ITPR1: variants seen among roughly 807,000 people sequenced by gnomAD.
ITPR1 encodes the protein inositol 1,4,5-trisphosphate receptor type 1.
A neutral mutation model predicts 318.4 loss-of-function variants in ITPR1; 96 were observed. The observed-to-expected ratio is 0.30, with a 90% CI of 0.26 to 0.36. The LOEUF is 0.36. Ranked by LOEUF, ITPR1 falls within the 10% of genes least tolerant of loss-of-function variation. The pLI is 1.00. For synonymous variants in ITPR1, 1,312 were observed against 1,289.9 expected, an observed-to-expected ratio of 1.02 and a Z score of -0.37; for missense variants, 2,440 against 3,460.2, an observed-to-expected ratio of 0.71 and a Z score of 7.40.
chr3:4,603,541 T>G (rs1052946486), intron 4 of ITPR1, among the ~76,000 whole-genome samples: 6 of 152,192 alleles, frequency 3.9e-5, no homozygotes, highest in Non-Finnish European at 7.3e-5. Flanking sequence ...GCAATTCTCC[T>G]GCCTCAGCCT....
In ITPR1 at chr3:4,753,132, T is replaced by G. The variant is rs376027417; in HGVS notation, c.5545-13398T>G. 4.7e-4 allele frequency among the ~76,000 whole-genome samples: 71 copies of G among 152,270 alleles called. 1 individual carries two copies. In the South Asian group the frequency reaches 0.013, roughly 29 times the overall value. On this transcript the variant is annotated intron_variant, in intron 44 of 61. Transcript: ENST00000649015. The stretch of plus-strand genomic sequence containing the variant: ...ATTTCAGAAGAGGGTTGGCTTGTGC[T>G]TGGGATGTTGGAGGAGCTGAGTGAA...
chr3:4,782,815 C>T (rs1439269863), intron 50 of ITPR1, 74 bp downstream of exon 50: 2 of 1,355,660 alleles, frequency 1.5e-6, no homozygotes, highest in African/African-American at 1.5e-5. Flanking sequence ...AGGGTGCCCC[C>T]AGTCTTGCTT....
intron 44 of ITPR1, among the ~76,000 whole-genome samples, chr3:4,762,109 C>A (rs189488031): frequency 6.6e-5 from 10 of 152,360 alleles, no homozygotes; most frequent in East Asian, 1.9e-4. Flanking sequence ...TCTACTCTTG[C>A]AATAGATACC....
At chr3:4,814,247 GTTGCCCCAGACGAC>G in intron 57 of ITPR1, 162 bp from the exon 58 acceptor site, 1 of 677,072 alleles carries the variant, frequency 1.5e-6, no homozygotes. Flanking sequence ...GATGAAAACA[GTTGCCCCAGACGAC>G]TTTAGCTTTT....
intron 44 of ITPR1, among the ~76,000 whole-genome samples, chr3:4,738,820 A>G (rs912212588): frequency 1.3e-4 from 20 of 152,180 alleles, no homozygotes; most frequent in Admixed American, 2.0e-4. Flanking sequence ...CAGTTCAGCC[A>G]CGTGTGGAGC....
At position 4,665,429 on chromosome 3, in the gene ITPR1, T is replaced by C. The variant is rs936646248; in HGVS notation, c.1713+133T>C. 15 of 756,128 alleles carry C rather than the reference T, an allele frequency of 2.0e-5. 1 individual carries two copies. Among genetic ancestry groups the C allele is most frequent in the East Asian group, 2.8e-5 (1 of 35,866 alleles). 46.8% of individuals were successfully genotyped at this position (756,128 alleles called of 1,614,324 possible). A position where few individuals can be genotyped will look rare whatever the true frequency, so the allele number is the denominator to read the frequency against. The stretch of plus-strand genomic sequence containing the variant: ...GAATAGTTCAGTGTTGAGCTTGCTC[T>C]TGGGAAGGAAACACAAGCCCAGGAA... On this transcript the variant is annotated intron_variant, in intron 17 of 61. Coordinates refer to ENST00000649015, the MANE Select transcript of ITPR1 (RefSeq NM_001378452.1).
rs777018717 is a variant in ITPR1 at position 4,693,574 on chromosome 3, C to T, written c.4114C>T (p.Arg1372Trp). Reference protein sequence around the residue: ...QTLIQMMRSERDRMDENSPLM... With the variant: ...QTLIQMMRSEWDRMDENSPLM... ...TCTGATCCAGATGATGCGGTCAGAA[C>T]GGGATCGGATGGATGAGAACAGCCC... is the stretch of plus-strand genomic sequence containing the variant. Residue 1372 changes from arginine (R) to tryptophan (W), a missense_variant, in exon 33 of 62, where the codon CGG becomes TGG. Physicochemically the swap from Arg to Trp is moderately radical, Grantham distance 101 (BLOSUM62 -3). Around this residue, in one of 23 missense-constraint regions of ITPR1, gnomAD observed 222 missense variants for 318.8 expected, o/e 0.70. Transcript: ENST00000649015. The T allele has an allele frequency of 1.4e-5, 23 of 1,613,872 alleles. No homozygotes were observed. The highest frequency in any genetic ancestry group is 8.3e-5 in the Admixed American group (5 of 59,998).
rs953527615 is a variant in ITPR1, at chr3:4,826,927, C to T, written c.8028+8685C>T. On this transcript the variant is annotated intron_variant, in intron 60 of 61. Transcript: ENST00000649015. The surrounding 1 kb of genome is among the most constrained non-coding windows in gnomAD (Gnocchi z 4.2). ...GCATGGGGCGTGAGTCAGGTATACC[C>T]AGGAGTCTAGTCTGTGAGACTGTGC... Among the ~76,000 whole-genome samples the T allele has an allele frequency of 9.9e-5, 15 of 152,126 alleles. No individual in the cohort carries two copies. The highest frequency in any genetic ancestry group is 3.6e-4 in the African/African-American group (15 of 41,418).
At chr3:4,566,604 GCACACACACACACACA>G (rs57756103) in intron 4 of ITPR1, among the ~76,000 whole-genome samples, 1 of 140,896 alleles carries the variant, frequency 7.1e-6, no homozygotes, top group Admixed American at 7.1e-5. Flanking sequence ...GGGGACACAT[GCACACACACACACACA>G]CACACACACA....
At chr3:4,753,759 CA>C (rs534502284) in intron 44 of ITPR1, among the ~76,000 whole-genome samples, 2 of 152,238 alleles carry the variant, frequency 1.3e-5, no homozygotes, top group South Asian at 4.1e-4. Flanking sequence ...GTGTCCTTGT[CA>C]CAGTTTGTGT....
At chr3:4,770,730 C>T (rs1319957838) in intron 46 of ITPR1, among the ~76,000 whole-genome samples, 1 of 152,168 alleles carries the variant, frequency 6.6e-6, no homozygotes, top group East Asian at 1.9e-4. Flanking sequence ...GTTAGAACAC[C>T]TCAGCCCTAG....
chr3:4,655,020 T>A (rs1456910134), intron 12 of ITPR1, among the ~76,000 whole-genome samples: 2 of 152,162 alleles, frequency 1.3e-5, no homozygotes, highest in Non-Finnish European at 2.9e-5. Context: ...GCTTCCACAG[T>A]TAATATGGCT....
intron 44 of ITPR1, among the ~76,000 whole-genome samples, chr3:4,738,212 A>G (rs1327854842): frequency 1.4e-4 from 22 of 152,188 alleles, no homozygotes; most frequent in Non-Finnish European, 1.5e-5. Context: ...TTAAAATAAA[A>G]GTTTAAAAAA....
At chr3:4,497,339 C>T (rs559392664) in intron 2 of ITPR1, among the ~76,000 whole-genome samples, 37 of 139,968 alleles carry the variant, frequency 2.6e-4, no homozygotes, top group South Asian at 2.1e-3. Flanking sequence ...AAGTTGTGTG[C>T]GATTCAAATG....
chr3:4,540,503 A>G (rs1413366101), intron 4 of ITPR1, among the ~76,000 whole-genome samples: 2 of 152,046 alleles, frequency 1.3e-5, no homozygotes, highest in Non-Finnish European at 2.9e-5. Flanking sequence ...TATATTTATG[A>G]TTTTAATTTG....
At chr3:4,722,665 G>T (rs1198648399) in intron 40 of ITPR1, among the ~76,000 whole-genome samples, 4 of 152,036 alleles carry the variant, frequency 2.6e-5, no homozygotes, top group Non-Finnish European at 5.9e-5. Context: ...GCCAACATCC[G>T]CATTAGAAGG....
rs778104916 is a variant in ITPR1, at chr3:4,660,993, C to T, written c.1157C>T (p.Ser386Phe). The change falls in exon 14 of 62, where the codon TCT (serine) becomes TTT (phenylalanine). Residue 386 changes from serine (S) to phenylalanine (F), a missense_variant. Ser to Phe is a radical substitution (Grantham distance 155, BLOSUM62 -2). Transcript: ENST00000649015. ...RGGDSLVPRNSYVRLRHLCTN... is the reference protein window; with the variant it reads ...RGGDSLVPRNFYVRLRHLCTN... Reference sequence around the variant, plus strand: ...CCTCCTTTTTTCCCTGTTAGGAACTCTTATGTTCGGCTCAGACACCTATGT... The same window carrying T: ...CCTCCTTTTTTCCCTGTTAGGAACTTTTATGTTCGGCTCAGACACCTATGT... 6.4e-7 allele frequency: 1 copy of T among 1,573,702 alleles called. No individual in the cohort carries two copies. Among genetic ancestry groups the T allele is most frequent in the Admixed American group, 1.7e-5 (1 of 58,684 alleles).
intron 2 of ITPR1, among the ~76,000 whole-genome samples, chr3:4,497,867 A>C (rs2080718379): frequency 6.6e-6 from 1 of 152,268 alleles, no homozygotes; most frequent in South Asian, 2.1e-4. Flanking sequence ...AATATTATTC[A>C]GCCTTAAAAA....
At chr3:4,629,686 G>A (rs75673373) in intron 5 of ITPR1, among the ~76,000 whole-genome samples, 92 of 152,330 alleles carry the variant, frequency 6.0e-4, no homozygotes, top group Admixed American at 1.8e-3. Flanking sequence ...GAATATCAAA[G>A]AATAAAGAGG....
Sources: gnomAD v4.1 joint callset for allele counts (sites outside exome capture counted in the v4.1 genomes callset) on GRCh38, gnomAD v4.1.1 for gene constraint, gnomAD v4.1.1 regional missense constraint, Gnocchi (gnomAD v3.1) non-coding constraint, MANE v1.5 for transcripts, NCBI Gene and HGNC (gene_info 2026-07-23, HGNC 2026-07-21) for gene names.